The following SF3A2 variants were observed in gnomAD, a reference collection of about 807,000 sequenced individuals.
SF3A2 encodes the protein SAP 62.
SF3A2 carries 5 observed loss-of-function variants against 31.1 expected under a neutral mutation model. That is an observed-to-expected ratio of 0.16 (90% CI 0.08 to 0.34). The LOEUF (loss-of-function observed/expected upper bound fraction) is 0.34. Among genes scored for constraint, SF3A2 ranks in the 10% least tolerant of loss-of-function variants. SF3A2 has a pLI of 1.00. For synonymous variants in SF3A2, 365 were observed against 263.7 expected (o/e 1.38, Z -3.72); for missense variants, 577 against 643.9 (o/e 0.90, Z 1.13).
rs1054074503 is a variant in SF3A2 at position 2,242,912 on chromosome 19, A to G, written c.-37-470A>G. ...GCCTAACAAATTTACATCGAGCCCA[A>G]GAGATTAGGTTGGGACAAGTAAGCG... On this transcript the variant is annotated intron_variant, in intron 1 of 8. Transcript: ENST00000221494. Among the ~76,000 whole-genome samples, 4 of 152,154 alleles carry G rather than the reference A, an allele frequency of 2.6e-5. No individual in the cohort carries two copies. In the East Asian group the frequency reaches 5.8e-4, roughly 22 times the overall value.
chr19:2,246,623 A>T lies in SF3A2; in HGVS notation c.356-130A>T. On this transcript the variant is annotated intron_variant, in intron 5 of 8. Coordinates refer to ENST00000221494, the MANE Select transcript of SF3A2 (RefSeq NM_007165.5). The surrounding 1 kb of genome is among the most constrained non-coding windows in gnomAD (Gnocchi z 5.5). The stretch of plus-strand genomic sequence containing the variant: ...CCCAGAGCCTGGGCGGAGATTGTCT[A>T]ATGGTTGCCAGAGCTGCAGGGCCTC... The T allele has an allele frequency of 9.9e-7, 1 of 1,010,460 alleles. No individual in the cohort carries two copies. Among genetic ancestry groups the T allele is most frequent in the Non-Finnish European group, 1.5e-6 (1 of 678,844 alleles). The allele number at this position is 1,010,460 out of a possible 1,614,324, so 62.6% of individuals were successfully genotyped here. A position where few individuals can be genotyped will look rare whatever the true frequency, so the allele number is the denominator to read the frequency against.
At chr19:2,238,067 T>A (rs1192622094) in intron 1 of SF3A2, among the ~76,000 whole-genome samples, 2 of 152,188 alleles carry the variant, frequency 1.3e-5, no homozygotes, top group African/African-American at 2.4e-5. Flanking sequence ...TCACCCAGGC[T>A]GGAGTGAGTG....
chr19:2,239,927 C>G (rs990110835), intron 1 of SF3A2, among the ~76,000 whole-genome samples: 9 of 152,134 alleles, frequency 5.9e-5, no homozygotes, highest in African/African-American at 2.2e-4. Flanking sequence ...GTGGCTTCCC[C>G]CGATAATGAA....
chr19:2,247,143 G>C (rs1288252265), intron 7 of SF3A2, 121 bp downstream of exon 7: 10 of 1,313,764 alleles, frequency 7.6e-6, no homozygotes, highest in Non-Finnish European at 1.0e-5. Flanking sequence ...CCCCAAGTCG[G>C]AGCCAGAAGG....
At chr19:2,238,970 A>AT (rs915608553) in intron 1 of SF3A2, among the ~76,000 whole-genome samples, 1 of 151,658 alleles carries the variant, frequency 6.6e-6, no homozygotes, top group Non-Finnish European at 1.5e-5. Context: ...GAAACAGATG[A>AT]TTTTTTTCGG....
rs2024935737 is a variant in SF3A2, at chr19:2,246,655, G to C, written c.356-98G>C. On this transcript the variant is annotated intron_variant, in intron 5 of 8. Coordinates refer to ENST00000221494, the MANE Select transcript of SF3A2 (RefSeq NM_007165.5). This position sits in a 1 kb window ranked among gnomAD's most constrained non-coding sequence, Gnocchi z 5.5. ...GCCAGAGCTGCAGGGCCTCCCCCGG[G>C]GTCCCGCTCTCGTTCAGTGGGTGGC... 1 of 1,414,636 alleles carries C rather than the reference G, an allele frequency of 7.1e-7. No homozygotes were observed. Among genetic ancestry groups the C allele is most frequent in the Middle Eastern group, 1.8e-4 (1 of 5,474 alleles). The allele number at this position is 1,414,636 out of a possible 1,614,324, so 87.6% of individuals were successfully genotyped here. A position where few individuals can be genotyped will look rare whatever the true frequency, so the allele number is the denominator to read the frequency against.
At chr19:2,237,295 C>T (rs1485839758) in intron 1 of SF3A2, 1 of 150,924 alleles carries the variant, frequency 6.6e-6, no homozygotes, top group Non-Finnish European at 1.5e-5. Context: ...GTGGTTGTAC[C>T]TGTAGGCCCA....
intron 1 of SF3A2, among the ~76,000 whole-genome samples, chr19:2,239,875 T>C (rs1185727065): frequency 6.6e-6 from 1 of 152,360 alleles, no homozygotes; most frequent in East Asian, 1.9e-4. Context: ...TTTGTTTTAA[T>C]TCAGCTTGTC....
chr19:2,243,349 C>T (rs928195561), intron 1 of SF3A2, 33 bp from the exon 2 acceptor site: 3 of 1,452,150 alleles, frequency 2.1e-6, no homozygotes, highest in Admixed American at 2.8e-5. Context: ...GAGTTCTGAG[C>T]CATCTTCCTC....
intron 1 of SF3A2, among the ~76,000 whole-genome samples, chr19:2,242,464 C>A (rs907797216): frequency 3.3e-5 from 5 of 152,234 alleles, no homozygotes; most frequent in African/African-American, 1.2e-4. Flanking sequence ...CTCCCGCCTC[C>A]TCTCATGAGG....
chr19:2,248,495 A>G lies in SF3A2; in HGVS notation c.1344A>G (p.Pro448=). Residue 448 remains proline, a synonymous_variant, in exon 9 of 9, where the codon CCA becomes CCG. Transcript: ENST00000221494. ...CCATGCCCCCAATGCTGAGGCCCCCACTTCCCTCCGAAGGCCCAGGGAACA... is the reference window on the plus strand; with the variant it reads ...CCATGCCCCCAATGCTGAGGCCCCCGCTTCCCTCCGAAGGCCCAGGGAACA... ...PTPMPPMLRP[P]LPSEGPGNIP... 9.5e-7 allele frequency: 1 copy of G among 1,055,530 alleles called. No homozygotes were observed. The highest frequency in any genetic ancestry group is 1.2e-6 in the Non-Finnish European group (1 of 843,274). The allele number at this position is 1,055,530 out of a possible 1,614,324, so 65.4% of individuals were successfully genotyped here.
intron 4 of SF3A2, 57 bp downstream of exon 4, chr19:2,244,836 T>A (rs1270337201): frequency 6.6e-7 from 1 of 1,521,552 alleles, no homozygotes; most frequent in Non-Finnish European, 9.0e-7. Context: ...GGCTCAAGTC[T>A]CTGTGAGCCT....
At position 2,246,196 on chromosome 19, in the gene SF3A2, G is replaced by C. The variant is rs934162435; in HGVS notation, c.356-557G>C. The stretch of plus-strand genomic sequence containing the variant: ...TGGCTAGAGCGGCAGGCTCCTGGTG[G>C]GGAGGCCCTGACAGGTCCTGGGCTT... On this transcript the variant is annotated intron_variant, in intron 5 of 8. Transcript: ENST00000221494. The surrounding 1 kb of genome is among the most constrained non-coding windows in gnomAD (Gnocchi z 5.5). Among the ~76,000 whole-genome samples the C allele has an allele frequency of 4.6e-5, 7 of 152,104 alleles. No homozygotes were observed. Among genetic ancestry groups the C allele is most frequent in the African/African-American group, 1.7e-4 (7 of 41,412 alleles).
intron 7 of SF3A2, 51 bp from the exon 8 acceptor site, chr19:2,247,543 C>T (rs750136650): frequency 2.3e-5 from 37 of 1,585,522 alleles, no homozygotes; most frequent in Middle Eastern, 3.4e-4. Context: ...GCCTGATGGT[C>T]GCCCTGAGGT....
rs201178061 is a variant in SF3A2 at position 2,248,556 on chromosome 19, C to T, written c.*10C>T. ...TCCCCCAACCAACTGAGAAGCTGCTCCCTCCCCCAGCAAGCCCAGCGCCAG... is the reference window on the plus strand; with the variant it reads ...TCCCCCAACCAACTGAGAAGCTGCTTCCTCCCCCAGCAAGCCCAGCGCCAG... On this transcript the variant is annotated 3_prime_UTR_variant, in exon 9 of 9. Coordinates refer to ENST00000221494, the MANE Select transcript of SF3A2 (RefSeq NM_007165.5). The T allele has an allele frequency of 4.0e-4, 398 of 989,866 alleles. 1 individual carries two copies. In the Middle Eastern group the frequency reaches 8.9e-3, roughly 22 times the overall value. The allele number at this position is 989,866 out of a possible 1,614,324, so 61.3% of individuals were successfully genotyped here. A position where few individuals can be genotyped will look rare whatever the true frequency, so the allele number is the denominator to read the frequency against.
chr19:2,244,679 T>C, intron 3 of SF3A2, 54 bp from the exon 4 acceptor site: 1 of 1,611,552 alleles, frequency 6.2e-7, no homozygotes, highest in South Asian at 1.1e-5. Context: ...CAGGGGGACC[T>C]GCCTGTGTCT....
chr19:2,245,637 G>A lies in SF3A2; in HGVS notation c.355+82G>A. ...TTTAGTCTCCAGTGCGGGAGGTGCA[G>A]CCCTGATAGCCTCCTCCCTGAGCCA... On this transcript the variant is annotated intron_variant, in intron 5 of 8. Transcript: ENST00000221494. The surrounding 1 kb of genome is among the most constrained non-coding windows in gnomAD (Gnocchi z 4.2). The A allele has an allele frequency of 4.1e-6, 4 of 978,684 alleles. No homozygotes were observed. The highest frequency in any genetic ancestry group is 6.4e-6 in the Non-Finnish European group (4 of 628,926). 60.6% of individuals were successfully genotyped at this position (978,684 alleles called of 1,614,324 possible). A position where few individuals can be genotyped will look rare whatever the true frequency, so the allele number is the denominator to read the frequency against.
At chr19:2,244,684 G>A in intron 3 of SF3A2, 49 bp from the exon 4 acceptor site, 1 of 1,612,492 alleles carries the variant, frequency 6.2e-7, no homozygotes, top group Non-Finnish European at 8.5e-7. Context: ...GGACCTGCCT[G>A]TGTCTGTCCG....
At chr19:2,241,557 C>T (rs945511957) in intron 1 of SF3A2, among the ~76,000 whole-genome samples, 35 of 152,224 alleles carry the variant, frequency 2.3e-4, no homozygotes, top group African/African-American at 8.4e-4. Flanking sequence ...CGTCCGGAGA[C>T]AGAACCTCCC....
Sources: allele counts gnomAD v4.1 joint callset (sites outside exome capture counted in the v4.1 genomes callset), GRCh38; gene constraint gnomAD v4.1.1; non-coding constraint Gnocchi (gnomAD v3.1); transcripts MANE v1.5; gene names NCBI Gene and HGNC (gene_info 2026-07-23, HGNC 2026-07-21).